The following PTGR1 variants were observed in gnomAD, a reference collection of about 807,000 sequenced individuals.
PTGR1 encodes the protein 15-oxoprostaglandin 13-reductase.
Under a neutral mutation model 37.7 loss-of-function variants are expected in PTGR1, and 23 were observed. That is an observed-to-expected ratio of 0.61 (90% CI 0.44 to 0.86). PTGR1 has a LOEUF of 0.86. PTGR1 is among the 40% of genes least tolerant of loss of function. PTGR1 has a pLI of 0.00. For synonymous variants in PTGR1, 134 were observed against 140.0 expected, an observed-to-expected ratio of 0.96 and a Z score of 0.30; for missense variants, 351 against 394.3, an observed-to-expected ratio of 0.89 and a Z score of 0.93.
chr9:111,554,449 A>C (rs1589284350), intron 9 of PTGR1, among the ~76,000 whole-genome samples: 1 of 152,132 alleles, frequency 6.6e-6, no homozygotes, highest in East Asian at 1.9e-4. Context: ...CGGTCACCAA[A>C]CTCTTTCTTC....
intron 4 of PTGR1, among the ~76,000 whole-genome samples, chr9:111,588,088 A>C (rs1481290007): frequency 2.7e-5 from 4 of 148,026 alleles, no homozygotes; most frequent in African/African-American, 1.0e-4. Context: ...ATCATGGCTC[A>C]CTGCAACCTC....
chr9:111,594,554 T>A (rs1207967969), intron 2 of PTGR1, among the ~76,000 whole-genome samples: 1 of 148,008 alleles, frequency 6.8e-6, no homozygotes, highest in Non-Finnish European at 1.5e-5. Context: ...GCATTCTTTT[T>A]TTTTTTTTTT....
chr9:111,571,005 A>T (rs1378984014), intron 8 of PTGR1, among the ~76,000 whole-genome samples: 12 of 150,664 alleles, frequency 8.0e-5, no homozygotes, highest in Non-Finnish European at 1.5e-4. Flanking sequence ...ATGCCAAGAA[A>T]TACAGGCAGC....
chr9:111,559,589 C>A (rs1178124734), downstream of PTGR1, among the ~76,000 whole-genome samples: 1 of 132,868 alleles, frequency 7.5e-6, no homozygotes, highest in African/African-American at 3.1e-5. Flanking sequence ...AGTGTCCACA[C>A]ACACACACTC....
chr9:111,565,333 C>T (rs1828509323), intron 9 of PTGR1, among the ~76,000 whole-genome samples: 1 of 152,112 alleles, frequency 6.6e-6, no homozygotes, highest in Non-Finnish European at 1.5e-5. Context: ...TTCTAGCCTC[C>T]AGAACTGTGA....
chr9:111,573,876 G>A (rs1828942189), intron 8 of PTGR1, among the ~76,000 whole-genome samples: 1 of 152,112 alleles, frequency 6.6e-6, no homozygotes, highest in Non-Finnish European at 1.5e-5. Flanking sequence ...AAGAGAGTAG[G>A]GAGTGGGGAA....
At chr9:111,573,585 G>C (rs1299328273) in intron 8 of PTGR1, among the ~76,000 whole-genome samples, 2 of 152,002 alleles carry the variant, frequency 1.3e-5, no homozygotes, top group Admixed American at 6.6e-5. Flanking sequence ...CCTTTTTTGG[G>C]GGGGGACCAT....
chr9:111,561,850 AT>A (rs1484017008), downstream of PTGR1, among the ~76,000 whole-genome samples: 1 of 152,038 alleles, frequency 6.6e-6, no homozygotes, highest in Non-Finnish European at 1.5e-5. Context: ...TACCTAATAT[AT>A]GCCAGGCATT....
chr9:111,564,922 G>A (rs1157697863), intron 9 of PTGR1, among the ~76,000 whole-genome samples: 2 of 151,906 alleles, frequency 1.3e-5, no homozygotes, highest in Non-Finnish European at 1.5e-5. Context: ...TCAGGAGTTC[G>A]AGACCAGCCT....
In PTGR1 at chr9:111,592,940, C is replaced by T; in HGVS notation, c.195G>A (p.Gly65=). The T allele has an allele frequency of 6.4e-7, 1 of 1,569,562 alleles. No homozygotes were observed. Among genetic ancestry groups the T allele is most frequent in the Non-Finnish European group, 8.6e-7 (1 of 1,164,034 alleles). ...KRLKEGDTMM[G]QQVAKVVESK... ...GAAATAATTACTTGGCCACTTGCTG[C>T]CCCATCATTGTATCACCTTCCTTCA... is the stretch of plus-strand genomic sequence containing the variant. The change falls in exon 4 of 10, where the codon GGG becomes GGA. Residue 65 remains glycine, a synonymous_variant. Coordinates refer to ENST00000407693, the MANE Select transcript of PTGR1 (RefSeq NM_001146108.2).
chr9:111,574,852 T>C lies in PTGR1; in HGVS notation c.652-10A>G. ...AAAACTCTCCACCTACCTAAACAGATAGCAAAGACAAAATGTTAAATAATC... is the reference window on the plus strand; with the variant it reads ...AAAACTCTCCACCTACCTAAACAGACAGCAAAGACAAAATGTTAAATAATC... On this transcript the variant is annotated splice_polypyrimidine_tract_variant and intron_variant, in intron 7 of 9. Transcript: ENST00000407693. 7 of 1,582,336 alleles carry C rather than the reference T, an allele frequency of 4.4e-6. No homozygotes were observed. Among genetic ancestry groups the C allele is most frequent in the Non-Finnish European group, 6.1e-6 (7 of 1,155,078 alleles).
intron 9 of PTGR1, among the ~76,000 whole-genome samples, chr9:111,564,584 GCATGAGC>G (rs1195956365): frequency 6.6e-6 from 1 of 151,766 alleles, no homozygotes; most frequent in Non-Finnish European, 1.5e-5. Context: ...AGGATTACAG[GCATGAGC>G]CACTGCGCCT....
chr9:111,559,972 A>G (rs1256485183), downstream of PTGR1, among the ~76,000 whole-genome samples: 4 of 152,126 alleles, frequency 2.6e-5, no homozygotes, highest in Admixed American at 2.6e-4. Context: ...TCATTGTACT[A>G]CAATTTATTT....
intron 7 of PTGR1, among the ~76,000 whole-genome samples, chr9:111,576,123 C>T (rs1829042939): frequency 6.6e-6 from 1 of 151,162 alleles, no homozygotes; most frequent in African/African-American, 2.4e-5. Flanking sequence ...TCACATACTG[C>T]ACTCCAGATT....
intron 4 of PTGR1, among the ~76,000 whole-genome samples, chr9:111,591,289 C>A (rs545395831): frequency 6.7e-6 from 1 of 150,092 alleles, no homozygotes; most frequent in African/African-American, 2.4e-5. Flanking sequence ...AAGAGTGAGA[C>A]TCCGTCTCAA....
downstream of PTGR1, among the ~76,000 whole-genome samples, chr9:111,561,856 G>C (rs1828333391): frequency 6.6e-6 from 1 of 152,060 alleles, no homozygotes; most frequent in Non-Finnish European, 1.5e-5. Flanking sequence ...ATATATGCCA[G>C]GCATTATGCT....
chr9:111,561,944 G>A (rs1828335883), downstream of PTGR1, among the ~76,000 whole-genome samples: 1 of 150,190 alleles, frequency 6.7e-6, no homozygotes, highest in Non-Finnish European at 1.5e-5. Flanking sequence ...GGAGTGCAAT[G>A]GCACAATATC....
In PTGR1 at chr9:111,576,542, G is replaced by T. The variant is rs902850895; in HGVS notation, c.652-1700C>A. 8.8e-6 allele frequency: 11 copies of T among 1,245,730 alleles called. No homozygotes were observed. In the African/African-American group the frequency reaches 8.9e-5, roughly 10 times the overall value. The allele number at this position is 1,245,730 out of a possible 1,614,324, so 77.2% of individuals were successfully genotyped here. ...TGGAGTATGAATCCCAACTCTGGGGGTATTAGCTAGTGGAGTGGCCATAGG... is the reference window on the plus strand; with the variant it reads ...TGGAGTATGAATCCCAACTCTGGGGTTATTAGCTAGTGGAGTGGCCATAGG... On this transcript the variant is annotated intron_variant, in intron 7 of 9. Coordinates refer to ENST00000407693, the MANE Select transcript of PTGR1 (RefSeq NM_001146108.2).
In PTGR1 at chr9:111,574,742, A is replaced by G. The variant is rs761362379; in HGVS notation, c.752T>C (p.Leu251Pro). ...GTGCATGTGCTCATTACCTGGGGGA[A>G]GTGGGCCGGTTCTGTTATATGTAGA... ...AISTYNRTGPLPPGPPPEIVI... is the reference protein window; with the variant it reads ...AISTYNRTGPPPPGPPPEIVI... The change falls in exon 8 of 10, where the codon CTT becomes CCT. Residue 251 changes from leucine to proline, a missense_variant. Physicochemically the swap from Leu to Pro is moderately conservative, Grantham distance 98. Coordinates refer to ENST00000407693, the MANE Select transcript of PTGR1 (RefSeq NM_001146108.2). 2 of 1,611,644 alleles carry G rather than the reference A, an allele frequency of 1.2e-6. No homozygotes were observed. The highest frequency in any genetic ancestry group is 3.4e-5 in the Admixed American group (2 of 59,672).
Sources: gnomAD v4.1 joint callset for allele counts (sites outside exome capture counted in the v4.1 genomes callset) on GRCh38, gnomAD v4.1.1 for gene constraint, MANE v1.5 for transcripts, NCBI Gene and HGNC (gene_info 2026-07-23, HGNC 2026-07-21) for gene names.